UGGT1: variants seen among roughly 807,000 people sequenced by gnomAD.
UGGT1 encodes the protein UDP-glucose:glycoprotein glucosyltransferase 1.
UGGT1 carries 107 observed loss-of-function variants against 203.9 expected under a neutral mutation model. The ratio of observed to expected loss-of-function variants is 0.52; its 90% confidence interval spans 0.45 to 0.62. The LOEUF is 0.62. Among genes scored for constraint, UGGT1 ranks in the 20% least tolerant of loss-of-function variants. The pLI, the probability that UGGT1 is intolerant of heterozygous loss-of-function variation, is 0.00. For missense variants in UGGT1, 1,673 were observed against 1,867.2 expected, an observed-to-expected ratio of 0.90 and a Z score of 1.92; for synonymous variants, 628 against 653.5, an observed-to-expected ratio of 0.96 and a Z score of 0.59.
At position 128,145,070 on chromosome 2, in the gene UGGT1, A is replaced by C. The variant is rs73955947; in HGVS notation, c.1852-733A>C. 9.5e-3 allele frequency among the ~76,000 whole-genome samples: 1,443 copies of C among 152,260 alleles called. 22 individuals are homozygous for C. Among genetic ancestry groups the C allele is most frequent in the African/African-American group, 0.032 (1,319 of 41,536 alleles). On this transcript the variant is annotated intron_variant, in intron 17 of 40. Transcript: ENST00000259253. ...GAACCTCTTTTGTCCTGGAGAAGGG[A>C]AAAGATTGGATGTATTGTGTCTTAG...
intron 4 of UGGT1, 130 bp downstream of exon 4, chr2:128,108,198 G>A: frequency 8.4e-7 from 1 of 1,188,862 alleles, no homozygotes; most frequent in Non-Finnish European, 1.1e-6. Context: ...TAGGATTTAT[G>A]ATTTTTAAAA....
chr2:128,169,106 G>T (rs890096258), intron 26 of UGGT1, among the ~76,000 whole-genome samples: 1 of 141,620 alleles, frequency 7.1e-6, no homozygotes, highest in Non-Finnish European at 1.5e-5. Context: ...AGGACCAGGT[G>T]TGGTGGCTTA....
In UGGT1 at chr2:128,159,598, A is replaced by C; in HGVS notation, c.2440A>C (p.Ile814Leu). The change falls in exon 23 of 41, where the codon ATC (isoleucine) becomes CTC (leucine). Residue 814 changes from isoleucine (I) to leucine (L), a missense_variant. Physicochemically the swap from Ile to Leu is conservative, Grantham distance 5. Transcript: ENST00000259253. ...TGAGAACACTCAGATCTCCAGAGCAATCTGGGCAGCTCTCCAAACTCAGAC... is the reference window on the plus strand; with the variant it reads ...TGAGAACACTCAGATCTCCAGAGCACTCTGGGCAGCTCTCCAAACTCAGAC... Reference protein sequence around the residue: ...SYENTQISRAIWAALQTQTSN... With the variant: ...SYENTQISRALWAALQTQTSN... The C allele has an allele frequency of 1.2e-6, 2 of 1,614,214 alleles. No individual in the cohort carries two copies.
At chr2:128,152,639 C>T (rs1690027562) in intron 18 of UGGT1, 145 bp from the exon 19 acceptor site, 1 of 1,111,794 alleles carries the variant, frequency 9.0e-7, no homozygotes, top group Non-Finnish European at 1.2e-6. Flanking sequence ...GTGACAGGGA[C>T]CAATAACATA....
intron 31 of UGGT1, among the ~76,000 whole-genome samples, chr2:128,175,199 C>T (rs1691312595): frequency 6.6e-6 from 1 of 152,074 alleles, no homozygotes; most frequent in Non-Finnish European, 1.5e-5. Context: ...AAAGAACAGC[C>T]ACACTTTTCT....
At chr2:128,118,468 A>G (rs1010653485) in intron 8 of UGGT1, among the ~76,000 whole-genome samples, 4 of 152,046 alleles carry the variant, frequency 2.6e-5, no homozygotes, top group Non-Finnish European at 5.9e-5. Context: ...GTCTTGCTAT[A>G]TTGCCTAGGC....
intron 37 of UGGT1, 92 bp downstream of exon 37, chr2:128,182,382 A>G: frequency 7.1e-7 from 1 of 1,411,300 alleles, no homozygotes; most frequent in Non-Finnish European, 9.5e-7. Context: ...ATACATTGGT[A>G]TGGTTGAAAA....
intron 37 of UGGT1, among the ~76,000 whole-genome samples, chr2:128,182,909 C>CTTTTTTTTT (rs372722115): frequency 1.8e-5 from 2 of 114,240 alleles, no homozygotes; most frequent in African/African-American, 3.4e-5. Context: ...TGTAACTTGG[C>CTTTTTTTTT]TTTTTTTTTT....
At chr2:128,125,919 TTTTA>T (rs1173950326) in intron 11 of UGGT1, among the ~76,000 whole-genome samples, 2 of 151,594 alleles carry the variant, frequency 1.3e-5, no homozygotes, top group Admixed American at 1.3e-4. Context: ...GAGTAAAACA[TTTTA>T]TTAAAGCATA....
At chr2:128,133,360 G>A in intron 14 of UGGT1, 100 bp downstream of exon 14, 1 of 1,466,864 alleles carries the variant, frequency 6.8e-7, no homozygotes, top group East Asian at 2.4e-5. Context: ...TTTACTAGCT[G>A]CTTCCTCCCC....
intron 21 of UGGT1, 24 bp from the exon 22 acceptor site, chr2:128,157,228 T>G: frequency 6.5e-7 from 1 of 1,540,518 alleles, no homozygotes; most frequent in Non-Finnish European, 9.0e-7. Context: ...TCTGACTCAA[T>G]TAGCTGTTTT....
chr2:128,190,935 T>C lies in UGGT1; in HGVS notation c.*1193T>C, dbSNP rs945624482. On this transcript the variant is annotated 3_prime_UTR_variant, in exon 41 of 41. Coordinates refer to ENST00000259253, the MANE Select transcript of UGGT1 (RefSeq NM_020120.4). ...ATCGTGAAGCCCCATTTGCCTTTAG[T>C]CCCTGCTTTGTGTGTCTTCACTTCC... 1.3e-5 allele frequency: 2 copies of C among 152,346 alleles called. No homozygotes were observed. Among genetic ancestry groups the C allele is most frequent in the African/African-American group, 4.8e-5 (2 of 41,476 alleles). The allele number at this position is 152,346 out of a possible 1,614,324, so 9.4% of individuals were successfully genotyped here. A position where few individuals can be genotyped will look rare whatever the true frequency, so the allele number is the denominator to read the frequency against.
intron 8 of UGGT1, among the ~76,000 whole-genome samples, chr2:128,118,284 G>C (rs971464258): frequency 6.6e-6 from 1 of 151,404 alleles, no homozygotes; most frequent in Non-Finnish European, 1.5e-5. Context: ...AAATTTTTTC[G>C]AGACAGGGCT....
intron 11 of UGGT1, among the ~76,000 whole-genome samples, chr2:128,126,684 C>CTT (rs61353741): frequency 0.59 from 70,411 of 119,126 alleles, 22,201 homozygotes; most frequent in Middle Eastern, 0.71. Flanking sequence ...CAGGGTCAGT[C>CTT]TTTTTTTTTT....
At position 128,108,877 on chromosome 2, in the gene UGGT1, G is replaced by A. The variant is rs1168853873; in HGVS notation, c.409-757G>A. Among the ~76,000 whole-genome samples the A allele has an allele frequency of 8.6e-5, 13 of 151,972 alleles. 1 individual carries two copies. The East Asian group carries it at 2.5e-3, about 29-fold the overall frequency. ...TTGTTACTGTATTGTATTGCCCAAA[G>A]GTACATCTTCACACAATAAAGTGAT... On this transcript the variant is annotated intron_variant, in intron 4 of 40. Coordinates refer to ENST00000259253, the MANE Select transcript of UGGT1 (RefSeq NM_020120.4).
chr2:128,162,763 A>AGGGAG, intron 25 of UGGT1, among the ~76,000 whole-genome samples: 1 of 152,144 alleles, frequency 6.6e-6, no homozygotes, highest in Non-Finnish European at 1.5e-5. Flanking sequence ...CTGTTGGACC[A>AGGGAG]CTGCAGGGAG....
At chr2:128,126,261 A>G (rs1475671101) in intron 11 of UGGT1, among the ~76,000 whole-genome samples, 1 of 150,956 alleles carries the variant, frequency 6.6e-6, no homozygotes, top group Non-Finnish European at 1.5e-5. Context: ...TTTTTTTTTG[A>G]GACAGAGTCT....
Position 128,180,952 on chromosome 2 carries a change from G to GC in UGGT1, c.3967dup (p.Arg1323ProfsTer8). 1 of 1,614,096 alleles carries GC rather than the reference G, an allele frequency of 6.2e-7. No individual in the cohort carries two copies. The highest frequency in any genetic ancestry group is 1.6e-4 in the Middle Eastern group (1 of 6,062). On this transcript the variant is annotated frameshift_variant, in exon 36 of 41. Coordinates refer to ENST00000259253, the MANE Select transcript of UGGT1 (RefSeq NM_020120.4). LOFTEE classifies it high-confidence loss of function. The stretch of plus-strand genomic sequence containing the variant: ...AGTATGAGCTTGTTCAGTACAAATG[G>GC]CCCCGGTGGCTTCATCAACAAACTG...
At chr2:128,147,642 G>A (rs1046143107) in intron 18 of UGGT1, among the ~76,000 whole-genome samples, 13 of 149,570 alleles carry the variant, frequency 8.7e-5, no homozygotes, top group African/African-American at 2.0e-4. Flanking sequence ...ACAGGGTCTC[G>A]CTCTGTCACC....
Sources: allele counts gnomAD v4.1 joint callset (sites outside exome capture counted in the v4.1 genomes callset), GRCh38; gene constraint gnomAD v4.1.1; transcripts MANE v1.5; gene names NCBI Gene and HGNC (gene_info 2026-07-23, HGNC 2026-07-21).